TEKT5: variants seen among roughly 807,000 people sequenced by gnomAD.
The protein encoded by TEKT5 is tektin 5.
Under a neutral mutation model 48.7 loss-of-function variants are expected in TEKT5, and 52 were observed. The observed-to-expected ratio is 1.07, with a 90% CI of 0.86 to 1.35. The LOEUF (loss-of-function observed/expected upper bound fraction) is 1.35. Ranked by LOEUF, TEKT5 falls within the 40% of genes most tolerant of loss-of-function variation. The pLI, the probability that TEKT5 is intolerant of heterozygous loss-of-function variation, is 0.00. For missense variants in TEKT5, 831 were observed against 641.6 expected (o/e 1.30, Z -3.19); for synonymous variants, 318 against 267.6 (o/e 1.19, Z -1.84).
At chr16:10,655,709 T>C (rs1898249940) in intron 5 of TEKT5, among the ~76,000 whole-genome samples, 2 of 152,192 alleles carry the variant, frequency 1.3e-5, no homozygotes, top group African/African-American at 2.4e-5. Context: ...TACCCTTCTC[T>C]TTCTCAGGTA....
chr16:10,649,956 G>A (rs1029284918), intron 5 of TEKT5, among the ~76,000 whole-genome samples: 1 of 152,118 alleles, frequency 6.6e-6, no homozygotes, highest in Non-Finnish European at 1.5e-5. Flanking sequence ...TCCTTCCCAG[G>A]TTGGAGACTG....
intron 5 of TEKT5, among the ~76,000 whole-genome samples, chr16:10,670,395 C>T (rs1021635494): frequency 5.3e-5 from 8 of 152,120 alleles, no homozygotes; most frequent in Middle Eastern, 3.4e-3. Context: ...AGCATGGTGG[C>T]AGCTGCCCAG....
chr16:10,670,978 C>CA (rs1328522590), intron 5 of TEKT5, among the ~76,000 whole-genome samples: 5 of 152,004 alleles, frequency 3.3e-5, no homozygotes, highest in Admixed American at 3.3e-4. Flanking sequence ...GATCATAGCT[C>CA]ACTGCAGCAT....
chr16:10,693,202 T>G (rs1899012985), intron 1 of TEKT5, among the ~76,000 whole-genome samples: 1 of 152,192 alleles, frequency 6.6e-6, no homozygotes, highest in Non-Finnish European at 1.5e-5. Context: ...TTCAAGAGAT[T>G]CTTATGCTTC....
intron 5 of TEKT5, among the ~76,000 whole-genome samples, chr16:10,654,568 G>A (rs1027528712): frequency 6.6e-6 from 1 of 152,180 alleles, no homozygotes; most frequent in Non-Finnish European, 1.5e-5. Context: ...GAACAAAAAG[G>A]CAGAGGAAGG....
At chr16:10,681,245 G>A (rs886271209) in intron 4 of TEKT5, among the ~76,000 whole-genome samples, 2 of 152,112 alleles carry the variant, frequency 1.3e-5, no homozygotes. Flanking sequence ...AGCAGCCCTG[G>A]GAAGTGGGTA....
chr16:10,652,767 C>G (rs754653051), intron 5 of TEKT5, among the ~76,000 whole-genome samples: 3 of 3,886 alleles, frequency 7.7e-4, no homozygotes, highest in East Asian at 1.2e-3. Flanking sequence ...CACAGGCAAA[C>G]ACACACACAC....
Position 10,694,341 on chromosome 16 carries a change from C to T in TEKT5, c.533G>A (p.Cys178Tyr). ...NLETVKRRLECAANEVNCPLQ... is the reference protein window; with the variant it reads ...NLETVKRRLEYAANEVNCPLQ... ...TGGGCAGTTCACCTCATTGGCCGCG[C>T]ACTCCAGCCGCCTCTTGACCGTCTC... Residue 178 changes from cysteine to tyrosine, a missense_variant, in exon 1 of 7, where the codon TGC becomes TAC. Coordinates refer to ENST00000283025, the MANE Select transcript of TEKT5 (RefSeq NM_144674.2). 2 of 1,609,582 alleles carry T rather than the reference C, an allele frequency of 1.2e-6. No individual in the cohort carries two copies. The highest frequency in any genetic ancestry group is 1.7e-6 in the Non-Finnish European group (2 of 1,177,576).
intron 5 of TEKT5, among the ~76,000 whole-genome samples, chr16:10,639,182 T>C (rs114302435): frequency 0.026 from 3,944 of 151,936 alleles, 133 homozygotes; most frequent in African/African-American, 0.078. Context: ...TGGTGCACGT[T>C]TGTAGTCCCA....
At chr16:10,676,699 T>C (rs948823195) in intron 4 of TEKT5, among the ~76,000 whole-genome samples, 2 of 152,222 alleles carry the variant, frequency 1.3e-5, no homozygotes, top group Non-Finnish European at 2.9e-5. Context: ...GTGGCCACGC[T>C]ACTTTCACTG....
intron 4 of TEKT5, among the ~76,000 whole-genome samples, chr16:10,678,597 G>A (rs749632010): frequency 1.1e-4 from 17 of 152,190 alleles, no homozygotes; most frequent in African/African-American, 2.4e-5. Context: ...GAGGCTCAGA[G>A]AGTGAAGCAT....
intron 5 of TEKT5, among the ~76,000 whole-genome samples, chr16:10,639,472 A>C (rs1252643242): frequency 6.6e-6 from 1 of 150,516 alleles, no homozygotes; most frequent in Admixed American, 6.6e-5. Context: ...TAAAAGACCT[A>C]TACCTATAAG....
At chr16:10,633,920 C>T (rs762834702) in intron 6 of TEKT5, among the ~76,000 whole-genome samples, 5 of 152,114 alleles carry the variant, frequency 3.3e-5, no homozygotes, top group South Asian at 4.1e-4. Flanking sequence ...GTTACTCAGG[C>T]GGTAACTGAG....
In TEKT5 at chr16:10,677,639, GAAGCTGTCACTATCC is replaced by G. The variant is rs1206454931; in HGVS notation, c.864-1473_864-1459del. Reference sequence around the variant, plus strand: ...ACAAAAAAATAAAAAGAAAATGCATGAAGCTGTCACTATCCCAGCTGTAAAGGGCAAGAGAAAAGG... The same window carrying G: ...ACAAAAAAATAAAAAGAAAATGCATGCAGCTGTAAAGGGCAAGAGAAAAGG... On this transcript the variant is annotated intron_variant, in intron 4 of 6. Coordinates refer to ENST00000283025, the MANE Select transcript of TEKT5 (RefSeq NM_144674.2). Among the ~76,000 whole-genome samples, 11 of 118,646 alleles carry G rather than the reference GAAGCTGTCACTATCC, an allele frequency of 9.3e-5. 3 individuals are homozygous for G. Among genetic ancestry groups the G allele is most frequent in the African/African-American group, 3.2e-4 (7 of 21,634 alleles). The allele number at this position is 118,646 out of a possible 152,430, so 77.8% of individuals were successfully genotyped here. A position where few individuals can be genotyped will look rare whatever the true frequency, so the allele number is the denominator to read the frequency against.
chr16:10,632,630 G>A (rs1022034885), intron 6 of TEKT5, among the ~76,000 whole-genome samples: 3 of 151,924 alleles, frequency 2.0e-5, no homozygotes, highest in African/African-American at 7.3e-5. Context: ...TTTCTTTCTG[G>A]GGGATAGGCA....
At chr16:10,649,357 T>G (rs1350819896) in intron 5 of TEKT5, among the ~76,000 whole-genome samples, 3 of 152,120 alleles carry the variant, frequency 2.0e-5, no homozygotes, top group Non-Finnish European at 4.4e-5. Flanking sequence ...GCCATCCTCC[T>G]GCCTCAGCCT....
At chr16:10,629,519 G>A (rs1291555505) in intron 6 of TEKT5, among the ~76,000 whole-genome samples, 1 of 152,102 alleles carries the variant, frequency 6.6e-6, no homozygotes, top group Non-Finnish European at 1.5e-5. Flanking sequence ...CCAAAGTGCT[G>A]GGATTACAGG....
rs770305606 is a variant in TEKT5, at chr16:10,627,761, T to G, written c.1280A>C (p.Gln427Pro). Reference sequence around the variant, plus strand: ...CTCCCGCAGCCGCAGCTTGAGGGTCTGCAGGGTGTCGTCGATGGTGAACAC... The same window carrying G: ...CTCCCGCAGCCGCAGCTTGAGGGTCGGCAGGGTGTCGTCGATGGTGAACAC... ...NEVFTIDDTL[Q>P]TLKLRLRETQ... Residue 427 changes from glutamine to proline, a missense_variant, in exon 7 of 7, where the codon CAG becomes CCG. Gln to Pro is a moderately conservative substitution (Grantham distance 76, BLOSUM62 -1). Coordinates refer to ENST00000283025, the MANE Select transcript of TEKT5 (RefSeq NM_144674.2). 1 of 1,614,232 alleles carries G rather than the reference T, an allele frequency of 6.2e-7. No homozygotes were observed. Among genetic ancestry groups the G allele is most frequent in the South Asian group, 1.1e-5 (1 of 91,090 alleles).
At chr16:10,694,242 G>T in intron 1 of TEKT5, 68 bp downstream of exon 1, 1 of 1,470,280 alleles carries the variant, frequency 6.8e-7, no homozygotes, top group Non-Finnish European at 9.1e-7. Flanking sequence ...CTTCAGTCAA[G>T]GGAAGCAGAA....
Sources: allele counts gnomAD v4.1 joint callset (sites outside exome capture counted in the v4.1 genomes callset), GRCh38; gene constraint gnomAD v4.1.1; transcripts MANE v1.5; gene names NCBI Gene and HGNC (gene_info 2026-07-23, HGNC 2026-07-21).